The following PATJ variants were observed in gnomAD, a reference collection of about 807,000 sequenced individuals.
PATJ encodes inaD-like protein.
A neutral mutation model predicts 224.9 loss-of-function variants in PATJ; 190 were observed. That is an observed-to-expected ratio of 0.84 (90% CI 0.75 to 0.95). The LOEUF is 0.95. Among genes scored for constraint, PATJ ranks in the 40% least tolerant of loss-of-function variants. PATJ has a pLI of 0.00. For missense variants in PATJ, 2,121 were observed against 2,270.3 expected (o/e 0.93, Z 1.34); for synonymous variants, 769 against 820.3 (o/e 0.94, Z 1.07).
rs890310588 is a variant in PATJ at position 61,871,902 on chromosome 1, C to T, written c.2836-3341C>T. On this transcript the variant is annotated intron_variant, in intron 20 of 43. Transcript: ENST00000642238. ...TGTATTTTTAGTAGAGACGGGGTTT[C>T]TCCATGTTGGTCAGGCTGGTCTTGA... 2.1e-5 allele frequency among the ~76,000 whole-genome samples: 3 copies of T among 142,204 alleles called. No individual in the cohort carries two copies. In the East Asian group the frequency reaches 6.5e-4, roughly 31 times the overall value. 93.3% of individuals were successfully genotyped at this position (142,204 alleles called of 152,430 possible). A position where few individuals can be genotyped will look rare whatever the true frequency, so the allele number is the denominator to read the frequency against.
At chr1:62,121,159 G>A (rs747645039) in intron 37 of PATJ, 22 bp from the exon 38 acceptor site, 4 of 1,520,452 alleles carry the variant, frequency 2.6e-6, no homozygotes, top group South Asian at 1.1e-5. Context: ...GCACACAGGT[G>A]ACCCCTGGGT....
At chr1:62,029,773 AAAGAAC>A (rs1402975480) in intron 29 of PATJ, among the ~76,000 whole-genome samples, 1 of 152,200 alleles carries the variant, frequency 6.6e-6, no homozygotes, top group Non-Finnish European at 1.5e-5. Flanking sequence ...CTTACATAGG[AAAGAAC>A]TGAGTCCAAA....
chr1:62,068,309 GGTTT>G (rs1182872546), intron 31 of PATJ, among the ~76,000 whole-genome samples: 1 of 152,162 alleles, frequency 6.6e-6, no homozygotes, highest in Non-Finnish European at 1.5e-5. Context: ...AAGGGCTAGA[GGTTT>G]GTTTGTTTGT....
At chr1:61,784,193 T>C (rs1416469637) in intron 7 of PATJ, among the ~76,000 whole-genome samples, 1 of 152,252 alleles carries the variant, frequency 6.6e-6, no homozygotes, top group Non-Finnish European at 1.5e-5. Flanking sequence ...AATAAAACTT[T>C]TATATGTGAA....
At chr1:62,007,234 C>T (rs1296792607) in intron 28 of PATJ, among the ~76,000 whole-genome samples, 2 of 152,178 alleles carry the variant, frequency 1.3e-5, no homozygotes, top group African/African-American at 2.4e-5. Context: ...AAAATGAACT[C>T]ACCCCTAAGG....
At chr1:62,121,594 C>T (rs1054185696) in intron 38 of PATJ, among the ~76,000 whole-genome samples, 1 of 151,680 alleles carries the variant, frequency 6.6e-6, no homozygotes, top group Admixed American at 6.6e-5. Flanking sequence ...CGTGAAACCC[C>T]GTCTCTATTA....
At chr1:62,139,061 C>G (rs1344600909) in intron 41 of PATJ, among the ~76,000 whole-genome samples, 1 of 151,970 alleles carries the variant, frequency 6.6e-6, no homozygotes, top group African/African-American at 2.4e-5. Flanking sequence ...ATTCTCAGAA[C>G]CTTTCGCAGA....
intron 28 of PATJ, among the ~76,000 whole-genome samples, chr1:62,001,006 G>A (rs1313386673): frequency 6.6e-6 from 1 of 152,034 alleles, no homozygotes; most frequent in African/African-American, 2.4e-5. Context: ...CTTTTGAGAA[G>A]TGTCTGCTCA....
intron 41 of PATJ, among the ~76,000 whole-genome samples, chr1:62,147,659 C>T (rs1046199257): frequency 1.3e-5 from 2 of 152,046 alleles, no homozygotes; most frequent in Admixed American, 6.6e-5. Flanking sequence ...ATTAGCTGGG[C>T]GTACTGGCAC....
At position 61,861,537 on chromosome 1, in the gene PATJ, G is replaced by T. The variant is rs1664615341; in HGVS notation, c.2323-14G>T. On this transcript the variant is annotated splice_polypyrimidine_tract_variant and intron_variant, in intron 18 of 43. Transcript: ENST00000642238. Reference sequence around the variant, plus strand: ...ATTTTCTTATTTATAAATAAAAGTGGTTTATATTTTCAGGAAGATAATGAA... The same window carrying T: ...ATTTTCTTATTTATAAATAAAAGTGTTTTATATTTTCAGGAAGATAATGAA... The T allele has an allele frequency of 1.8e-6, 2 of 1,138,250 alleles. No individual in the cohort carries two copies. Among genetic ancestry groups the T allele is most frequent in the African/African-American group, 3.2e-5 (2 of 62,170 alleles). 70.5% of individuals were successfully genotyped at this position (1,138,250 alleles called of 1,614,324 possible).
rs112244899 is a variant in PATJ at position 62,144,454 on chromosome 1, C to T, written c.5272-3830C>T. On this transcript the variant is annotated intron_variant, in intron 41 of 43. Coordinates refer to ENST00000642238, the MANE Select transcript of PATJ (RefSeq NM_001350145.3). ...TGTTGGCCTTTTCTGAAATTGCAAT[C>T]AAGTCGAGCTTTGCATTGCTGGCAG... 9.0e-3 allele frequency among the ~76,000 whole-genome samples: 1,367 copies of T among 152,240 alleles called. 22 individuals carry two copies. Among genetic ancestry groups the T allele is most frequent in the African/African-American group, 0.031 (1,274 of 41,528 alleles).
chr1:62,024,586 T>G (rs1647426231), intron 29 of PATJ, among the ~76,000 whole-genome samples: 1 of 151,898 alleles, frequency 6.6e-6, no homozygotes, highest in Non-Finnish European at 1.5e-5. Context: ...TCTTTTTTGC[T>G]GGTCAATATT....
intron 35 of PATJ, among the ~76,000 whole-genome samples, chr1:62,115,498 C>G (rs1213647243): frequency 6.6e-6 from 1 of 151,240 alleles, no homozygotes; most frequent in Non-Finnish European, 1.5e-5. Context: ...AAAATGAAGT[C>G]TATACTGCTT....
rs1246146604 is a variant in PATJ at position 61,752,517 on chromosome 1, T to C, written c.-36+9962T>C. 2.6e-5 allele frequency among the ~76,000 whole-genome samples: 4 copies of C among 152,136 alleles called. No individual in the cohort carries two copies. In the East Asian group the frequency reaches 7.8e-4, roughly 29 times the overall value. On this transcript the variant is annotated intron_variant, in intron 1 of 43. Transcript: ENST00000642238. ...TCAGTAGAGGCGGGTTTTCACCACGTTGGCCAGGCTGGTCTCAAACTCCTG... is the reference window on the plus strand; with the variant it reads ...TCAGTAGAGGCGGGTTTTCACCACGCTGGCCAGGCTGGTCTCAAACTCCTG...
chr1:62,153,727 A>C (rs1668859972), intron 43 of PATJ, among the ~76,000 whole-genome samples: 1 of 152,150 alleles, frequency 6.6e-6, no homozygotes, highest in Admixed American at 6.5e-5. Flanking sequence ...ACAGATTTTT[A>C]GAGTGTCTTC....
At chr1:61,953,061 A>C (rs1040489867) in intron 27 of PATJ, among the ~76,000 whole-genome samples, 5 of 152,182 alleles carry the variant, frequency 3.3e-5, no homozygotes, top group Admixed American at 2.0e-4. Context: ...TCTTGGAAGT[A>C]TTACCACTGA....
At position 61,902,481 on chromosome 1, in the gene PATJ, G is replaced by A. The variant is rs566424853; in HGVS notation, c.3381+1022G>A. On this transcript the variant is annotated intron_variant, in intron 24 of 43. Coordinates refer to ENST00000642238, the MANE Select transcript of PATJ (RefSeq NM_001350145.3). ...TTATTTTCTATGTGTTTTTGGACAA[G>A]TCATTAGACCTACTTATTTTCCGTT... is the stretch of plus-strand genomic sequence containing the variant. Among the ~76,000 whole-genome samples the A allele has an allele frequency of 3.9e-5, 6 of 152,156 alleles. 1 individual carries two copies. The East Asian group carries it at 1.2e-3, about 29-fold the overall frequency.
At chr1:62,009,650 A>G (rs986389810) in intron 28 of PATJ, among the ~76,000 whole-genome samples, 2 of 152,144 alleles carry the variant, frequency 1.3e-5, no homozygotes, top group Non-Finnish European at 2.9e-5. Flanking sequence ...ATGCTGTTTA[A>G]TAGCATTTTA....
At chr1:61,935,850 C>G (rs1676781507) in intron 27 of PATJ, among the ~76,000 whole-genome samples, 1 of 151,590 alleles carries the variant, frequency 6.6e-6, no homozygotes, top group African/African-American at 2.4e-5. Context: ...ATTACCAATT[C>G]CTTGCATCTT....
Sources: gnomAD v4.1 joint callset for allele counts (sites outside exome capture counted in the v4.1 genomes callset) on GRCh38, gnomAD v4.1.1 for gene constraint, MANE v1.5 for transcripts, NCBI Gene and HGNC (gene_info 2026-07-23, HGNC 2026-07-21) for gene names.